The following EPHA6 variants were observed in gnomAD, a reference collection of about 807,000 sequenced individuals.
EPHA6 encodes the protein ephrin type-A receptor 6.
Under a neutral mutation model 112.0 loss-of-function variants are expected in EPHA6, and 50 were observed. The ratio of observed to expected loss-of-function variants is 0.45; its 90% CI spans 0.36 to 0.56. EPHA6 has a LOEUF of 0.56. EPHA6 is among the 20% of genes least tolerant of loss of function. EPHA6 has a pLI of 0.00. For synonymous variants in EPHA6, 529 were observed against 490.7 expected, an observed-to-expected ratio of 1.08 and a Z score of -1.03; for missense variants, 1,280 against 1,417.4, an observed-to-expected ratio of 0.90 and a Z score of 1.56.
At chr3:96,875,572 G>A (rs1271183515) in intron 2 of EPHA6, among the ~76,000 whole-genome samples, 1 of 152,090 alleles carries the variant, frequency 6.6e-6, no homozygotes, top group Non-Finnish European at 1.5e-5. Context: ...TAAATCAGAT[G>A]TGAAGTATTT....
chr3:97,227,387 AT>A, intron 4 of EPHA6, among the ~76,000 whole-genome samples: 1 of 151,962 alleles, frequency 6.6e-6, no homozygotes. Context: ...CGCCCAGCTA[AT>A]TTTCATATTT....
chr3:97,190,133 G>T (rs1488997220), intron 3 of EPHA6, among the ~76,000 whole-genome samples: 1 of 152,096 alleles, frequency 6.6e-6, no homozygotes, highest in Non-Finnish European at 1.5e-5. Context: ...TATCCATAGG[G>T]TGTGAGAACA....
chr3:97,630,878 A>G (rs1333823294), intron 13 of EPHA6, among the ~76,000 whole-genome samples: 2 of 151,980 alleles, frequency 1.3e-5, no homozygotes, highest in African/African-American at 4.8e-5. Flanking sequence ...GTGACAAATC[A>G]CATGTGGTAG....
intron 13 of EPHA6, among the ~76,000 whole-genome samples, chr3:97,629,699 T>C (rs1167470605): frequency 6.6e-6 from 1 of 151,992 alleles, no homozygotes; most frequent in African/African-American, 2.4e-5. Flanking sequence ...ATATTGGATT[T>C]ACAGAACTGA....
At chr3:97,107,696 A>T (rs1425151620) in intron 3 of EPHA6, among the ~76,000 whole-genome samples, 1 of 152,034 alleles carries the variant, frequency 6.6e-6, no homozygotes, top group Non-Finnish European at 1.5e-5. Flanking sequence ...TTCAGAGTCT[A>T]TTTCATGTCC....
chr3:97,490,435 G>T (rs1331990592), intron 10 of EPHA6, among the ~76,000 whole-genome samples: 4 of 152,126 alleles, frequency 2.6e-5, no homozygotes, highest in Admixed American at 2.6e-4. Flanking sequence ...TTGAGTTTAT[G>T]TAACAGGGGA....
At chr3:96,896,802 G>A (rs1031762941) in intron 2 of EPHA6, among the ~76,000 whole-genome samples, 1 of 151,962 alleles carries the variant, frequency 6.6e-6, no homozygotes, top group Non-Finnish European at 1.5e-5. Flanking sequence ...TTGGTTAGAG[G>A]GCCTTTTACA....
chr3:97,098,175 A>G (rs2047300114), intron 3 of EPHA6, among the ~76,000 whole-genome samples: 1 of 151,796 alleles, frequency 6.6e-6, no homozygotes, highest in Non-Finnish European at 1.5e-5. Context: ...GGCATATTAC[A>G]CCCAAGGTCA....
chr3:97,413,443 C>A (rs1240808045), intron 6 of EPHA6, among the ~76,000 whole-genome samples: 1 of 151,856 alleles, frequency 6.6e-6, no homozygotes, highest in East Asian at 1.9e-4. Context: ...CAGATCGTTA[C>A]ATTCGTGTGA....
At chr3:97,220,398 C>T (rs1253904046) in intron 3 of EPHA6, among the ~76,000 whole-genome samples, 1 of 152,206 alleles carries the variant, frequency 6.6e-6, no homozygotes, top group Non-Finnish European at 1.5e-5. Context: ...TACCAATTTA[C>T]TGTATTATTC....
rs768752005 is a variant in EPHA6, at chr3:97,405,204, C to G, written c.1661C>G (p.Ala554Gly). Reference sequence around the variant, plus strand: ...GACTGGGCATCCCAAAATAGCATTGCCCTATCATGGCAAGCACCTGCTTTT... The same window carrying G: ...GACTGGGCATCCCAAAATAGCATTGGCCTATCATGGCAAGCACCTGCTTTT... ...RKDWASQNSI[A>G]LSWQAPAFSN... The change falls in exon 6 of 18, where the codon GCC (alanine) becomes GGC (glycine). Residue 554 changes from alanine (A) to glycine (G), a missense_variant. Ala to Gly is a moderately conservative substitution (Grantham distance 60). Coordinates refer to ENST00000389672, the MANE Select transcript of EPHA6 (RefSeq NM_001080448.3). The G allele has an allele frequency of 6.2e-7, 1 of 1,608,674 alleles. No individual in the cohort carries two copies. The highest frequency in any genetic ancestry group is 8.5e-7 in the Non-Finnish European group (1 of 1,177,166).
chr3:97,316,275 G>GA (rs1346508777), intron 5 of EPHA6, among the ~76,000 whole-genome samples: 2 of 151,672 alleles, frequency 1.3e-5, no homozygotes, highest in East Asian at 1.9e-4. Context: ...GCTTGCTGAA[G>GA]AAAAAATAAT....
At chr3:96,991,550 T>C (rs1263472428) in intron 3 of EPHA6, among the ~76,000 whole-genome samples, 1 of 152,142 alleles carries the variant, frequency 6.6e-6, no homozygotes, top group Non-Finnish European at 1.5e-5. Flanking sequence ...TCCGAGGAGA[T>C]AGCACAAGAG....
chr3:97,185,375 AACAG>A (rs1478045158), intron 3 of EPHA6, among the ~76,000 whole-genome samples: 2 of 152,298 alleles, frequency 1.3e-5, no homozygotes, highest in East Asian at 3.9e-4. Flanking sequence ...ACAAGAAAAA[AACAG>A]ACAACCCCAT....
At chr3:96,923,804 G>T (rs900525716) in intron 2 of EPHA6, among the ~76,000 whole-genome samples, 1 of 152,008 alleles carries the variant, frequency 6.6e-6, no homozygotes, top group Admixed American at 6.5e-5. Flanking sequence ...TGATTTTTGT[G>T]TATGGTTTGT....
intron 11 of EPHA6, among the ~76,000 whole-genome samples, chr3:97,567,611 T>C (rs1293290885): frequency 6.6e-6 from 1 of 151,858 alleles, no homozygotes; most frequent in Non-Finnish European, 1.5e-5. Context: ...GGCGTACAAA[T>C]AAGAATAAAA....
intron 11 of EPHA6, among the ~76,000 whole-genome samples, chr3:97,561,464 T>G (rs555102240): frequency 2.6e-5 from 4 of 152,200 alleles, no homozygotes; most frequent in Admixed American, 2.0e-4. Flanking sequence ...CAACATTCCC[T>G]TAAGCCAAAG....
At chr3:97,000,191 T>A (rs2043592270) in intron 3 of EPHA6, among the ~76,000 whole-genome samples, 1 of 151,514 alleles carries the variant, frequency 6.6e-6, no homozygotes, top group Non-Finnish European at 1.5e-5. Flanking sequence ...TGTCCCCTGA[T>A]TGCTAAGTTA....
At chr3:97,638,632 A>G (rs572259370) in intron 14 of EPHA6, among the ~76,000 whole-genome samples, 1 of 152,276 alleles carries the variant, frequency 6.6e-6, no homozygotes, top group Non-Finnish European at 1.5e-5. Flanking sequence ...CTTTAGAACC[A>G]AACCGTCATC....
Sources: allele counts gnomAD v4.1 joint callset (sites outside exome capture counted in the v4.1 genomes callset), GRCh38; gene constraint gnomAD v4.1.1; transcripts MANE v1.5; gene names NCBI Gene and HGNC (gene_info 2026-07-23, HGNC 2026-07-21).